The following AK9 variants were observed in gnomAD, a reference collection of about 807,000 sequenced individuals.
The protein encoded by AK9 is adenylate kinase domain containing 1.
A neutral mutation model predicts 239.6 loss-of-function variants in AK9; 191 were observed. The ratio of observed to expected loss-of-function variants is 0.80; its 90% CI spans 0.71 to 0.90. The LOEUF (loss-of-function observed/expected upper bound fraction) is 0.90, where lower values mean the gene tolerates loss of function less well. AK9 is among the 40% of genes least tolerant of loss of function. AK9 has a pLI of 0.00. For synonymous variants in AK9, 689 were observed against 721.0 expected (o/e 0.96, Z 0.71); for missense variants, 1,995 against 2,214.7 (o/e 0.90, Z 1.99).
chr6:109,682,076 A>G (rs1399651965), intron 1 of AK9, among the ~76,000 whole-genome samples: 1 of 152,174 alleles, frequency 6.6e-6, no homozygotes, highest in Non-Finnish European at 1.5e-5. Context: ...AAGACAAGAA[A>G]TAACTAAGAT....
chr6:109,531,970 C>T (rs1309664152), intron 28 of AK9, among the ~76,000 whole-genome samples: 40 of 152,120 alleles, frequency 2.6e-4, no homozygotes, highest in Admixed American at 2.6e-3. Context: ...TGGCAATGGC[C>T]TTGAAGGGAT....
chr6:109,591,779 C>T (rs1413193044), intron 17 of AK9, among the ~76,000 whole-genome samples: 1 of 151,900 alleles, frequency 6.6e-6, no homozygotes, highest in South Asian at 2.1e-4. Flanking sequence ...GGAAATACTT[C>T]ATTTCTCCTT....
chr6:109,674,223 C>A lies in AK9; in HGVS notation c.156G>T (p.Gln52His), dbSNP rs762348816. Residue 52 changes from glutamine (Q) to histidine (H), a missense_variant, in exon 3 of 41, where the codon CAG becomes CAT. Gln to His is a conservative substitution (Grantham distance 24). Around this residue, in one of 5 missense-constraint regions of AK9, gnomAD observed 252 missense variants for 246.4 expected, o/e 1.02. Coordinates refer to ENST00000424296, the MANE Select transcript of AK9 (RefSeq NM_001145128.3). ...GKTTLARYITQAWKCIRVEAL... is the reference protein window; with the variant it reads ...GKTTLARYITHAWKCIRVEAL... ...CTTCAACACGAATACATTTCCATGC[C>A]TGTGTTATGTAACGGGCTAATGTTG... The A allele has an allele frequency of 2.5e-6, 4 of 1,587,118 alleles. No homozygotes were observed. The highest frequency in any genetic ancestry group is 1.7e-6 in the Non-Finnish European group (2 of 1,168,396).
At chr6:109,676,845 C>A (rs746972543) in intron 1 of AK9, among the ~76,000 whole-genome samples, 22 of 151,884 alleles carry the variant, frequency 1.4e-4, no homozygotes, top group Admixed American at 3.9e-4. Flanking sequence ...GAATCAACCT[C>A]AATGCCCATC....
At chr6:109,525,643 G>A (rs529132358) in intron 29 of AK9, among the ~76,000 whole-genome samples, 2 of 152,090 alleles carry the variant, frequency 1.3e-5, no homozygotes, top group Admixed American at 1.3e-4. Flanking sequence ...GACTATTATT[G>A]AAAAGTCAGA....
At chr6:109,675,940 G>A (rs829816) in intron 1 of AK9, among the ~76,000 whole-genome samples, 184 bp from the exon 2 acceptor site, 63,408 of 151,878 alleles carry the variant, frequency 0.42, 14,927 homozygotes, top group African/African-American at 0.64. Context: ...TAAGCTCTTA[G>A]TTTGAGACAA....
At chr6:109,573,632 A>T in intron 20 of AK9, 38 bp from the exon 21 acceptor site, 1 of 1,515,062 alleles carries the variant, frequency 6.6e-7, no homozygotes, top group South Asian at 1.3e-5. Flanking sequence ...CATTTGGTTG[A>T]AGTCAACAAA....
intron 29 of AK9, 67 bp downstream of exon 29, chr6:109,528,944 G>A (rs948907183): frequency 1.9e-6 from 3 of 1,578,040 alleles, no homozygotes; most frequent in Non-Finnish European, 2.6e-6. Context: ...CTATGATTGT[G>A]CCACTGTACC....
At chr6:109,645,097 T>C (rs1408262010) in intron 8 of AK9, among the ~76,000 whole-genome samples, 1 of 152,220 alleles carries the variant, frequency 6.6e-6, no homozygotes, top group Non-Finnish European at 1.5e-5. Context: ...CGTTCCAAGA[T>C]GGCCAAATAG....
At chr6:109,671,804 G>A (rs1024711638) in intron 5 of AK9, 115 bp downstream of exon 5, 30 of 778,064 alleles carry the variant, frequency 3.9e-5, no homozygotes, top group Middle Eastern at 4.8e-4. Flanking sequence ...TAGAGATAAT[G>A]AGATTCTTAT....
chr6:109,521,254 A>C (rs1582819946), intron 29 of AK9, among the ~76,000 whole-genome samples: 1 of 151,902 alleles, frequency 6.6e-6, no homozygotes, highest in Admixed American at 6.6e-5. Flanking sequence ...ATCTCTTTTG[A>C]CCCTTGTGAT....
chr6:109,649,812 T>G (rs1370190694), intron 8 of AK9, among the ~76,000 whole-genome samples: 12 of 152,214 alleles, frequency 7.9e-5, no homozygotes, highest in Non-Finnish European at 1.8e-4. Context: ...GCTGGAGGCA[T>G]CACGCTACCT....
intron 8 of AK9, among the ~76,000 whole-genome samples, chr6:109,647,945 C>T (rs1798310274): frequency 6.6e-6 from 1 of 152,090 alleles, no homozygotes; most frequent in South Asian, 2.1e-4. Flanking sequence ...TCACTCAAAA[C>T]CGCTCAACTA....
At position 109,523,556 on chromosome 6, in the gene AK9, T is replaced by C. The variant is rs114812148; in HGVS notation, c.3633+5455A>G. 2.5e-3 allele frequency among the ~76,000 whole-genome samples: 385 copies of C among 152,254 alleles called. 1 individual carries two copies. The highest frequency in any genetic ancestry group is 8.9e-3 in the African/African-American group (370 of 41,552). On this transcript the variant is annotated intron_variant, in intron 29 of 40. Coordinates refer to ENST00000424296, the MANE Select transcript of AK9 (RefSeq NM_001145128.3). ...CAAAATTTGGAGGAAGCAACTGGCA[T>C]AGGGTGAGTTTTCTGATTTTGTTCA...
chr6:109,571,193 G>A (rs1366860197), intron 21 of AK9, among the ~76,000 whole-genome samples: 1 of 152,204 alleles, frequency 6.6e-6, no homozygotes, highest in African/African-American at 2.4e-5. Context: ...ATAGGGTCAT[G>A]TGGAATTTGG....
At chr6:109,508,797 T>C (rs919944745) in intron 33 of AK9, among the ~76,000 whole-genome samples, 4 of 152,242 alleles carry the variant, frequency 2.6e-5, no homozygotes, top group Non-Finnish European at 4.4e-5. Context: ...GGGCCAGACA[T>C]AGACCATCTC....
intron 8 of AK9, among the ~76,000 whole-genome samples, chr6:109,646,530 A>T (rs1003102021): frequency 6.6e-6 from 1 of 152,126 alleles, no homozygotes; most frequent in Non-Finnish European, 1.5e-5. Flanking sequence ...TGAAGCAAGA[A>T]GTTTAGAAAA....
intron 12 of AK9, among the ~76,000 whole-genome samples, chr6:109,621,901 A>C (rs1159773250): frequency 1.5e-4 from 15 of 102,882 alleles, no homozygotes; most frequent in Admixed American, 2.3e-4. Context: ...ATTAAAAAAA[A>C]AAAAAAAAAA....
chr6:109,595,392 C>T (rs147471645), intron 17 of AK9, among the ~76,000 whole-genome samples: 2,236 of 152,300 alleles, frequency 0.015, 58 homozygotes, highest in African/African-American at 0.051. Flanking sequence ...AACACTTTTA[C>T]ACTGTTGGTG....
Sources: allele counts gnomAD v4.1 joint callset (sites outside exome capture counted in the v4.1 genomes callset), GRCh38; gene constraint gnomAD v4.1.1; regional missense constraint gnomAD v4.1.1; transcripts MANE v1.5; gene names NCBI Gene and HGNC (gene_info 2026-07-23, HGNC 2026-07-21).